Variants in UMOD observed in about 807,000 individuals in gnomAD.
UMOD encodes uromodulin, also known as Tamm-Horsfall urinary glycoprotein.
Under a neutral mutation model 66.0 loss-of-function variants are expected in UMOD, and 64 were observed. The ratio of observed to expected loss-of-function variants is 0.97; its 90% CI spans 0.79 to 1.19. UMOD has a LOEUF of 1.19. UMOD is among the 50% of genes most tolerant of loss of function. The probability of loss-of-function intolerance (pLI) is 0.00; values close to 1 mark genes in which losing one functional copy is unlikely to be tolerated. For synonymous variants in UMOD, 398 were observed against 352.7 expected (o/e 1.13, Z -1.44); for missense variants, 764 against 850.9 (o/e 0.90, Z 1.27).
chr16:20,345,889 G>A (rs1000720661), intron 5 of UMOD, among the ~76,000 whole-genome samples: 8 of 152,192 alleles, frequency 5.3e-5, no homozygotes, highest in Non-Finnish European at 1.2e-4. Flanking sequence ...TGAAGCTGAT[G>A]TTTATTGAGC....
intron 5 of UMOD, among the ~76,000 whole-genome samples, chr16:20,345,442 C>CTTTCT (rs773200268): frequency 0.1 from 4,219 of 41,216 alleles, 117 homozygotes; most frequent in African/African-American, 0.13. Flanking sequence ...TTCTTTCTTT[C>CTTTCT]TTCCTTTCTT....
chr16:20,335,405 G>T, intron 10 of UMOD, 77 bp downstream of exon 10: 3 of 1,442,272 alleles, frequency 2.1e-6, no homozygotes, highest in Non-Finnish European at 2.9e-6. Flanking sequence ...TTGCTATGAA[G>T]CATTACAAGT....
intron 5 of UMOD, among the ~76,000 whole-genome samples, chr16:20,345,394 CTTTT>C (rs879393522): frequency 0.49 from 59,597 of 121,336 alleles, 15,519 homozygotes; most frequent in Non-Finnish European, 0.64. Context: ...CCTTTCTTTT[CTTTT>C]TTTTTCTTTC....
rs762195993 is a variant in UMOD, at chr16:20,350,682, A to G, written c.56T>C (p.Ile19Thr). The G allele has an allele frequency of 3.7e-6, 6 of 1,614,124 alleles. No individual in the cohort carries two copies. The change falls in exon 2 of 11, where the codon ATC becomes ACC. Residue 19 changes from isoleucine (I) to threonine (T), a missense_variant. Ile to Thr is a moderately conservative substitution (Grantham distance 89, BLOSUM62 -1). Transcript: ENST00000396138. Reference protein sequence around the residue: ...MLMVVVASWFITTAATDTSEA... With the variant: ...MLMVVVASWFTTTAATDTSEA... ...TGAGGTGTCAGTGGCTGCAGTTGTG[A>G]TGAACCAAGAGGCCACCACCACCAT...
chr16:20,334,313 A>G (rs374389084), intron 10 of UMOD, among the ~76,000 whole-genome samples: 32 of 152,232 alleles, frequency 2.1e-4, no homozygotes, highest in African/African-American at 7.7e-4. Context: ...CACCTATTGA[A>G]TGAATCTAGA....
At chr16:20,342,695 G>C (rs982962170) in intron 6 of UMOD, among the ~76,000 whole-genome samples, 4 of 152,192 alleles carry the variant, frequency 2.6e-5, no homozygotes, top group Non-Finnish European at 4.4e-5. Context: ...AAACTTCTGT[G>C]AGCCTCAATT....
chr16:20,351,123 G>A (rs1965869355), intron 1 of UMOD: 1 of 297,714 alleles, frequency 3.4e-6, no homozygotes, highest in African/African-American at 2.2e-5. Flanking sequence ...TAGTGTTCTG[G>A]ACTCACCACT....
intron 1 of UMOD, 157 bp from the exon 2 acceptor site, chr16:20,350,996 A>G: frequency 1.6e-6 from 1 of 611,328 alleles, no homozygotes; most frequent in Non-Finnish European, 2.7e-6. Flanking sequence ...CTGGGACTTT[A>G]CCCCTTGTAC....
intron 5 of UMOD, among the ~76,000 whole-genome samples, chr16:20,345,015 T>TTTTG (rs1157476171): frequency 6.6e-6 from 1 of 152,228 alleles, no homozygotes; most frequent in Non-Finnish European, 1.5e-5. Flanking sequence ...AATTATTTCT[T>TTTTG]TTTGTTTGTT....
At position 20,348,545 on chromosome 16, in the gene UMOD, G is replaced by T; in HGVS notation, c.756C>A (p.Ser252Arg). 2 of 1,600,810 alleles carry T rather than the reference G, an allele frequency of 1.2e-6. No homozygotes were observed. Among genetic ancestry groups the T allele is most frequent in the Non-Finnish European group, 1.7e-6 (2 of 1,177,300 alleles). ...ACGCATCCCACAGGCAGCAGTGGCC[G>T]CTCCAGTGCGCGCAGGCCTTGCGGC... ...IVSRKACAHW[S>R]GHCCLWDASV... Residue 252 changes from serine to arginine, a missense_variant, in exon 3 of 11, where the codon AGC becomes AGA. Ser to Arg is a moderately radical substitution (Grantham distance 110, BLOSUM62 -1). Transcript: ENST00000396138.
chr16:20,343,922 C>A, intron 6 of UMOD, 102 bp downstream of exon 6: 1 of 1,436,670 alleles, frequency 7.0e-7, no homozygotes, highest in Admixed American at 1.8e-5. Flanking sequence ...TCCCAGCCCT[C>A]ACTCCCAGCT....
At chr16:20,352,509 CAG>C in intron 1 of UMOD, 178 bp downstream of exon 1, 1 of 411,494 alleles carries the variant, frequency 2.4e-6, no homozygotes, top group Non-Finnish European at 4.2e-6. Flanking sequence ...GTTACTAGGA[CAG>C]AGAGGATCAA....
At chr16:20,353,844 T>C (rs1965985653), upstream of UMOD, among the ~76,000 whole-genome samples, 1 of 152,190 alleles carries the variant, frequency 6.6e-6, no homozygotes, top group South Asian at 2.1e-4. Flanking sequence ...GCCATGTTGA[T>C]GTGCTGCACC....
At chr16:20,341,410 A>G in intron 6 of UMOD, 74 bp from the exon 7 acceptor site, 3 of 1,600,424 alleles carry the variant, frequency 1.9e-6, no homozygotes, top group Non-Finnish European at 2.5e-6. Context: ...TCTGATTTGC[A>G]TTCCTAGGCA....
upstream of UMOD, among the ~76,000 whole-genome samples, chr16:20,354,963 C>T (rs1358681640): frequency 2.0e-5 from 3 of 152,190 alleles, no homozygotes; most frequent in Admixed American, 1.3e-4. Context: ...AGGTACCAGA[C>T]AACTAGAGAC....
intron 2 of UMOD, among the ~76,000 whole-genome samples, chr16:20,350,070 C>T (rs962633190): frequency 4.6e-5 from 7 of 151,904 alleles, no homozygotes; most frequent in East Asian, 1.9e-4. Flanking sequence ...CCCCTTACTC[C>T]TTTGGTAAGA....
At position 20,333,206 on chromosome 16, in the gene UMOD, C is replaced by A. The variant is rs917164722; in HGVS notation, c.*108G>T. 3 of 1,180,514 alleles carry A rather than the reference C, an allele frequency of 2.5e-6. No individual in the cohort carries two copies. The highest frequency in any genetic ancestry group is 3.7e-6 in the Non-Finnish European group (3 of 808,498). The allele number at this position is 1,180,514 out of a possible 1,614,324, so 73.1% of individuals were successfully genotyped here. A position where few individuals can be genotyped will look rare whatever the true frequency, so the allele number is the denominator to read the frequency against. On this transcript the variant is annotated 3_prime_UTR_variant, in exon 11 of 11. Transcript: ENST00000396138. ...AAGGGAGAAAAGAAGGCAGGCTGAA[C>A]AAAGCATGAACTTTCTTTTCTGTGG...
intron 6 of UMOD, chr16:20,342,515 T>C (rs959598054): frequency 1.3e-5 from 2 of 152,244 alleles, no homozygotes; most frequent in Admixed American, 6.5e-5. Context: ...AAGTCAGCTG[T>C]GCACCCTCAT....
chr16:20,350,063 C>A (rs1215094678), intron 2 of UMOD, among the ~76,000 whole-genome samples: 4 of 152,028 alleles, frequency 2.6e-5, no homozygotes, highest in Non-Finnish European at 5.9e-5. Flanking sequence ...GATTAAGCCC[C>A]TTACTCCTTT....
Sources: gnomAD v4.1 joint callset for allele counts (sites outside exome capture counted in the v4.1 genomes callset) on GRCh38, gnomAD v4.1.1 for gene constraint, MANE v1.5 for transcripts, NCBI Gene and HGNC (gene_info 2026-07-23, HGNC 2026-07-21) for gene names.